Variants in HMGA2 observed in about 807,000 individuals in gnomAD.
HMGA2 encodes the protein high mobility group AT-hook 2, also known as high mobility group protein HMGI-C.
HMGA2 carries 8 observed loss-of-function variants against 19.1 expected under a neutral mutation model. The observed-to-expected ratio is 0.42, with a 90% confidence interval of 0.25 to 0.76. The LOEUF (loss-of-function observed/expected upper bound fraction) is 0.76, where lower values mean the gene tolerates loss of function less well. HMGA2 is among the 30% of genes least tolerant of loss of function. HMGA2 has a pLI of 0.28. For synonymous variants in HMGA2, 60 were observed against 48.8 expected (o/e 1.23, Z -0.96); for missense variants, 109 against 136.3 (o/e 0.80, Z 1.00).
In HMGA2 at chr12:65,900,177, T is replaced by A. The variant is rs781404355; in HGVS notation, c.250-51206T>A. Among the ~76,000 whole-genome samples, 9 of 152,306 alleles carry A rather than the reference T, an allele frequency of 5.9e-5. No individual in the cohort carries two copies. The East Asian group carries it at 1.5e-3, about 26-fold the overall frequency. On this transcript the variant is annotated intron_variant, in intron 3 of 4. Coordinates refer to ENST00000403681, the MANE Select transcript of HMGA2 (RefSeq NM_003483.6). ...TGAAAACGATTTGTTCGAATTGAGG[T>A]CTCCTTGGATTATTTCAGTCATAGC...
chr12:65,840,742 G>T (rs903637498), intron 3 of HMGA2, among the ~76,000 whole-genome samples: 2 of 152,158 alleles, frequency 1.3e-5, no homozygotes, highest in African/African-American at 2.4e-5. Context: ...TAAGAAAGAC[G>T]TGTATAATCT....
chr12:65,884,049 A>G (rs1456913727), intron 3 of HMGA2, among the ~76,000 whole-genome samples: 2 of 152,100 alleles, frequency 1.3e-5, no homozygotes, highest in Non-Finnish European at 2.9e-5. Context: ...TGTTTTTAGT[A>G]GAGATGAGAT....
At chr12:65,845,331 A>C (rs2612059) in intron 3 of HMGA2, among the ~76,000 whole-genome samples, 48,142 of 152,012 alleles carry the variant, frequency 0.32, 11,669 homozygotes, top group African/African-American at 0.67. Flanking sequence ...TGCAGTGGCA[A>C]AATCTCAGCT....
At chr12:65,947,532 A>G (rs1876311189) in intron 3 of HMGA2, among the ~76,000 whole-genome samples, 1 of 152,174 alleles carries the variant, frequency 6.6e-6, no homozygotes, top group African/African-American at 2.4e-5. Context: ...TAGAAGTTTC[A>G]ATGCAACCAT....
chr12:65,886,903 A>G (rs1228263915), intron 3 of HMGA2, among the ~76,000 whole-genome samples: 2 of 152,128 alleles, frequency 1.3e-5, no homozygotes, highest in Non-Finnish European at 2.9e-5. Flanking sequence ...AGAATTCCAC[A>G]TTTTCTGTTT....
chr12:65,930,837 C>T (rs1359466476), intron 3 of HMGA2, among the ~76,000 whole-genome samples: 2 of 151,914 alleles, frequency 1.3e-5, no homozygotes, highest in African/African-American at 2.4e-5. Context: ...GACTAGATTA[C>T]GATACCAGGA....
At chr12:65,953,735 G>C (rs1304368663) in intron 4 of HMGA2, 5 of 152,162 alleles carry the variant, frequency 3.3e-5, no homozygotes, top group Non-Finnish European at 7.3e-5. Flanking sequence ...AAGAACATGA[G>C]CTCATTGGGC....
At chr12:65,892,402 C>T (rs1221115121) in intron 3 of HMGA2, among the ~76,000 whole-genome samples, 1 of 152,180 alleles carries the variant, frequency 6.6e-6, no homozygotes, top group African/African-American at 2.4e-5. Flanking sequence ...CTCCCTGAAT[C>T]AGATACTGGC....
At chr12:65,847,035 A>T (rs1007129217) in intron 3 of HMGA2, among the ~76,000 whole-genome samples, 12 of 152,194 alleles carry the variant, frequency 7.9e-5, no homozygotes, top group African/African-American at 2.7e-4. Flanking sequence ...GAATTTACCT[A>T]TATTAACACC....
intron 4 of HMGA2, chr12:65,958,362 C>G (rs1450607865): frequency 6.6e-6 from 1 of 152,220 alleles, no homozygotes; most frequent in Non-Finnish European, 1.5e-5. Context: ...ACCAGAATCC[C>G]TTGCTCTTGC....
At position 65,825,066 on chromosome 12, in the gene HMGA2, TCTC is replaced by T. The variant is rs1870076478; in HGVS notation, c.-204_-202del. The T allele has an allele frequency of 2.0e-6, 1 of 493,466 alleles. No individual in the cohort carries two copies. Among genetic ancestry groups the T allele is most frequent in the Non-Finnish European group, 3.6e-6 (1 of 279,820 alleles). 30.6% of individuals were successfully genotyped at this position (493,466 alleles called of 1,614,324 possible). On this transcript the variant is annotated 5_prime_UTR_variant, in exon 1 of 5. Transcript: ENST00000403681. This position sits in a 1 kb window ranked among gnomAD's most constrained non-coding sequence, Gnocchi z 4.4. ...TCCTCTCCTCCTCCTCCTCCCCTCTTCTCTTTTTGGCAGCCGCTGGACGTCCGG... is the reference window on the plus strand; with the variant it reads ...TCCTCTCCTCCTCCTCCTCCCCTCTTTTTTTGGCAGCCGCTGGACGTCCGG...
chr12:65,828,841 G>A (rs1592370098), intron 2 of HMGA2: 1 of 152,218 alleles, frequency 6.6e-6, no homozygotes, highest in African/African-American at 2.4e-5. Context: ...ATCTTAATAA[G>A]TTTAAACTTG....
Position 65,825,011 on chromosome 12 carries a change from A to G in HMGA2, c.-260A>G, listed in dbSNP as rs983452688. On this transcript the variant is annotated 5_prime_UTR_variant, in exon 1 of 5. Coordinates refer to ENST00000403681, the MANE Select transcript of HMGA2 (RefSeq NM_003483.6). This position sits in a 1 kb window ranked among gnomAD's most constrained non-coding sequence, Gnocchi z 4.4. ...CCACCTCCACCTCCGGCACCCACCC[A>G]CCGCCGCCGCCGCCACCGGCAGCGC... 2.9e-5 allele frequency: 12 copies of G among 412,922 alleles called. No homozygotes were observed. The highest frequency in any genetic ancestry group is 4.3e-5 in the African/African-American group (2 of 46,530). The allele number at this position is 412,922 out of a possible 1,614,324, so 25.6% of individuals were successfully genotyped here.
At chr12:65,952,256 C>A in intron 4 of HMGA2, 1 of 814,022 alleles carries the variant, frequency 1.2e-6, no homozygotes, top group Non-Finnish European at 2.0e-6. Flanking sequence ...GTGTCATGAG[C>A]TATCAAATTA....
chr12:65,891,030 C>A (rs923294701), intron 3 of HMGA2, among the ~76,000 whole-genome samples: 2 of 152,172 alleles, frequency 1.3e-5, no homozygotes, highest in East Asian at 3.9e-4. Flanking sequence ...AGCGCCCAGC[C>A]GACTTCTTCA....
At chr12:65,938,863 C>T (rs1334143762) in intron 3 of HMGA2, among the ~76,000 whole-genome samples, 2 of 151,978 alleles carry the variant, frequency 1.3e-5, no homozygotes, top group African/African-American at 4.8e-5. Context: ...TAGAGTTTGC[C>T]ATGTTGCCCA....
At position 65,877,901 on chromosome 12, in the gene HMGA2, C is replaced by T. The variant is rs144382364; in HGVS notation, c.249+39332C>T. Among the ~76,000 whole-genome samples the T allele has an allele frequency of 4.6e-3, 701 of 151,930 alleles. 6 individuals carry two copies. The highest frequency in any genetic ancestry group is 0.014 in the Middle Eastern group (4 of 294). ...ATGTTCCATATCATGGGATTGTAAACGCTCATATTTCCTTTTGTGAAAATT... is the reference window on the plus strand; with the variant it reads ...ATGTTCCATATCATGGGATTGTAAATGCTCATATTTCCTTTTGTGAAAATT... On this transcript the variant is annotated intron_variant, in intron 3 of 4. Coordinates refer to ENST00000403681, the MANE Select transcript of HMGA2 (RefSeq NM_003483.6).
chr12:65,890,064 A>C (rs1387749686), intron 3 of HMGA2, among the ~76,000 whole-genome samples: 2 of 152,206 alleles, frequency 1.3e-5, no homozygotes, highest in African/African-American at 4.8e-5. Context: ...AGTAGAAAAA[A>C]AGCAAAGAAC....
chr12:65,861,592 T>C (rs1872071361), intron 3 of HMGA2, among the ~76,000 whole-genome samples: 1 of 150,580 alleles, frequency 6.6e-6, no homozygotes, highest in Non-Finnish European at 1.5e-5. Context: ...TTTCATCTCG[T>C]TTTAGGTAAT....
Sources: allele counts gnomAD v4.1 joint callset (sites outside exome capture counted in the v4.1 genomes callset), GRCh38; gene constraint gnomAD v4.1.1; non-coding constraint Gnocchi (gnomAD v3.1); transcripts MANE v1.5; gene names NCBI Gene and HGNC (gene_info 2026-07-23, HGNC 2026-07-21).